SYTL2: variants seen among roughly 807,000 people sequenced by gnomAD.
SYTL2 encodes the protein synaptotagmin like 2, also known as synaptotagmin-like protein 2.
SYTL2 carries 165 observed loss-of-function variants against 198.7 expected under a neutral mutation model. The observed-to-expected ratio is 0.83, with a 90% CI of 0.73 to 0.94. The LOEUF (loss-of-function observed/expected upper bound fraction) is 0.94, where lower values mean the gene tolerates loss of function less well. Among genes scored for constraint, SYTL2 ranks in the 40% least tolerant of loss-of-function variants. SYTL2 has a pLI of 0.00. For synonymous variants in SYTL2, 966 were observed against 917.7 expected, an observed-to-expected ratio of 1.05 and a Z score of -0.95; for missense variants, 2,835 against 2,582.8, an observed-to-expected ratio of 1.10 and a Z score of -2.12.
rs545622445 is a variant in SYTL2, at chr11:85,700,549, T to C, written c.6234A>G (p.Lys2078=). 5.6e-6 allele frequency: 9 copies of C among 1,613,998 alleles called. No individual in the cohort carries two copies. Among genetic ancestry groups the C allele is most frequent in the African/African-American group, 2.7e-5 (2 of 75,018 alleles). The part of the protein sequence containing the change: ...ALEAENRGEM[K]LALQYVPEPV... ...GCTCTGGGACATACTGGAGAGCTAGTTTCATTTCACCTCTGTTTTCTGCTT... is the reference window on the plus strand; with the variant it reads ...GCTCTGGGACATACTGGAGAGCTAGCTTCATTTCACCTCTGTTTTCTGCTT... The change falls in exon 17 of 20, where the codon AAA becomes AAG. Residue 2078 remains lysine, a synonymous_variant. Coordinates refer to ENST00000359152, the MANE Select transcript of SYTL2 (RefSeq NM_206927.4).
chr11:85,809,706 C>A (rs938807816), intron 1 of SYTL2, among the ~76,000 whole-genome samples: 3 of 152,160 alleles, frequency 2.0e-5, no homozygotes, highest in Non-Finnish European at 4.4e-5. Context: ...GGATATATTA[C>A]ATACAAAGAA....
the SYTL2 span, among the ~76,000 whole-genome samples, chr11:85,819,713 G>C: frequency 2.0e-5 from 3 of 152,240 alleles, no homozygotes; most frequent in South Asian, 2.1e-4. Flanking sequence ...CAATGTAACA[G>C]TCTGCTGCCA....
chr11:85,850,536 G>T, the SYTL2 span, among the ~76,000 whole-genome samples: 1 of 151,478 alleles, frequency 6.6e-6, no homozygotes, highest in Non-Finnish European at 1.5e-5. Context: ...ACAGGTGCTG[G>T]AGAGGATGTG....
At chr11:85,819,508 C>A in the SYTL2 span, among the ~76,000 whole-genome samples, 3 of 152,174 alleles carry the variant, frequency 2.0e-5, no homozygotes, top group Non-Finnish European at 4.4e-5. Context: ...GCCCACATGG[C>A]CTCTCATTCA....
intron 1 of SYTL2, among the ~76,000 whole-genome samples, chr11:85,770,549 ATTCCAAGT>A (rs1401834951): frequency 6.6e-6 from 1 of 152,072 alleles, no homozygotes; most frequent in African/African-American, 2.4e-5. Flanking sequence ...TTCTCATTTC[ATTCCAAGT>A]TCCCTATCCA....
At chr11:85,801,413 A>G (rs774603905) in intron 1 of SYTL2, among the ~76,000 whole-genome samples, 2 of 152,246 alleles carry the variant, frequency 1.3e-5, no homozygotes, top group African/African-American at 4.8e-5. Context: ...TTTGGCTCCA[A>G]TGTGATCCAG....
rs769699195 is a variant in SYTL2 at position 85,727,346 on chromosome 11, T to C, written c.2012A>G (p.Tyr671Cys). ...TGCATCAGATTCCTTGAGAACACTG[T>C]AGGAATAGTTACTATTTGAAGGAGA... Reference protein sequence around the residue: ...GASPSNSNYSYSVLKESDAEN... With the variant: ...GASPSNSNYSCSVLKESDAEN... The change falls in exon 8 of 20, where the codon TAC (tyrosine) becomes TGC (cysteine). Residue 671 changes from tyrosine (Y) to cysteine (C), a missense_variant. Transcript: ENST00000359152. 4.6e-6 allele frequency: 7 copies of C among 1,536,096 alleles called. No homozygotes were observed. Among genetic ancestry groups the C allele is most frequent in the African/African-American group, 1.4e-5 (1 of 73,036 alleles).
intron 15 of SYTL2, chr11:85,705,289 T>G (rs2084954277): frequency 6.6e-6 from 2 of 301,312 alleles, no homozygotes; most frequent in Admixed American, 4.6e-5. Flanking sequence ...AATAGCTCTC[T>G]AACAATAAAA....
chr11:85,720,744 C>T, intron 9 of SYTL2, 114 bp downstream of exon 9: 1 of 668,012 alleles, frequency 1.5e-6, no homozygotes. Flanking sequence ...CATCTGTTAA[C>T]TGCCCCCATT....
At chr11:85,771,027 T>C (rs2092344460) in intron 1 of SYTL2, among the ~76,000 whole-genome samples, 1 of 152,226 alleles carries the variant, frequency 6.6e-6, no homozygotes, top group African/African-American at 2.4e-5. Context: ...TGCTTATATA[T>C]AGGTACCCAA....
chr11:85,709,624 T>C, intron 13 of SYTL2, 124 bp from the exon 14 acceptor site: 1 of 857,894 alleles, frequency 1.2e-6, no homozygotes, highest in Non-Finnish European at 1.8e-6. Context: ...GTTAATTCAA[T>C]ATAGCATAAA....
intron 1 of SYTL2, among the ~76,000 whole-genome samples, chr11:85,779,034 G>A (rs943775680): frequency 2.0e-5 from 3 of 151,896 alleles, no homozygotes; most frequent in African/African-American, 7.3e-5. Context: ...ATATTCTGTA[G>A]TGTACTATAC....
At chr11:85,843,226 G>T in the SYTL2 span, among the ~76,000 whole-genome samples, 1 of 151,928 alleles carries the variant, frequency 6.6e-6, no homozygotes, top group South Asian at 2.1e-4. Context: ...ACACAAATTG[G>T]GTGTGCTGAC....
intron 19 of SYTL2, among the ~76,000 whole-genome samples, chr11:85,695,792 T>C: frequency 6.6e-6 from 1 of 152,198 alleles, no homozygotes; most frequent in East Asian, 1.9e-4. Context: ...CATAGACTTG[T>C]GAGGATTCAA....
chr11:85,709,614 G>T, intron 13 of SYTL2, 114 bp from the exon 14 acceptor site: 1 of 978,022 alleles, frequency 1.0e-6, no homozygotes, highest in Non-Finnish European at 1.6e-6. Context: ...TATAAAAGCA[G>T]TTAATTCAAT....
At chr11:85,845,705 G>A in the SYTL2 span, among the ~76,000 whole-genome samples, 22 of 152,252 alleles carry the variant, frequency 1.4e-4, no homozygotes, top group Middle Eastern at 3.4e-3. Flanking sequence ...TCAGGAGATC[G>A]AGACCATCCT....
chr11:85,705,381 G>T (rs968845809), intron 15 of SYTL2: 1 of 167,576 alleles, frequency 6.0e-6, no homozygotes, highest in African/African-American at 2.4e-5. Context: ...AAATGTAACC[G>T]AATTCTCTGT....
At chr11:85,794,470 C>T (rs1049130208) in intron 1 of SYTL2, among the ~76,000 whole-genome samples, 7 of 152,150 alleles carry the variant, frequency 4.6e-5, no homozygotes, top group African/African-American at 7.2e-5. Flanking sequence ...CGAGCCACCA[C>T]GCCCAGCCAG....
chr11:85,790,573 C>T (rs2092713890), intron 1 of SYTL2, among the ~76,000 whole-genome samples: 1 of 152,132 alleles, frequency 6.6e-6, no homozygotes, highest in South Asian at 2.1e-4. Flanking sequence ...CTACAATGTG[C>T]CCAACCCTGT....
Sources: gnomAD v4.1 joint callset for allele counts (sites outside exome capture counted in the v4.1 genomes callset) on GRCh38, gnomAD v4.1.1 for gene constraint, MANE v1.5 for transcripts, NCBI Gene and HGNC (gene_info 2026-07-23, HGNC 2026-07-21) for gene names.